WDFY2: variants seen among roughly 807,000 people sequenced by gnomAD.
WDFY2 encodes WD repeat and FYVE domain-containing protein 2.
WDFY2 carries 36 observed loss-of-function variants against 56.4 expected under a neutral mutation model. The ratio of observed to expected loss-of-function variants is 0.64; its 90% CI spans 0.49 to 0.84. WDFY2 has a LOEUF of 0.84. Among genes scored for constraint, WDFY2 ranks in the 40% least tolerant of loss-of-function variants. WDFY2 has a pLI of 0.00. For synonymous variants in WDFY2, 176 were observed against 183.7 expected, an observed-to-expected ratio of 0.96 and a Z score of 0.34; for missense variants, 444 against 512.2, an observed-to-expected ratio of 0.87 and a Z score of 1.29.
chr13:51,643,086 A>G (rs1449204806), intron 1 of WDFY2, among the ~76,000 whole-genome samples: 1 of 152,206 alleles, frequency 6.6e-6, no homozygotes, highest in Non-Finnish European at 1.5e-5. Context: ...TGTAAAATAT[A>G]TATAACATAA....
intron 1 of WDFY2, among the ~76,000 whole-genome samples, chr13:51,658,497 A>G (rs997996127): frequency 3.9e-5 from 6 of 152,162 alleles, no homozygotes; most frequent in African/African-American, 9.7e-5. Flanking sequence ...CGCAATCTCC[A>G]TGGCTGCCTG....
intron 7 of WDFY2, among the ~76,000 whole-genome samples, chr13:51,744,989 T>C (rs986874310): frequency 3.9e-5 from 6 of 152,218 alleles, no homozygotes; most frequent in African/African-American, 1.4e-4. Context: ...CTCTTCTATG[T>C]TGGAATATTA....
intron 1 of WDFY2, among the ~76,000 whole-genome samples, chr13:51,659,565 T>C (rs1230029387): frequency 6.6e-6 from 1 of 152,226 alleles, no homozygotes; most frequent in Non-Finnish European, 1.5e-5. Flanking sequence ...TTATGGCTAG[T>C]ATAATTCATG....
chr13:51,714,188 T>C (rs1952291644), intron 4 of WDFY2, among the ~76,000 whole-genome samples: 1 of 151,758 alleles, frequency 6.6e-6, no homozygotes, highest in Non-Finnish European at 1.5e-5. Context: ...CATAGTTTAA[T>C]GGTCCAATAA....
At chr13:51,690,599 T>C (rs1305190989) in intron 3 of WDFY2, among the ~76,000 whole-genome samples, 1 of 152,160 alleles carries the variant, frequency 6.6e-6, no homozygotes, top group African/African-American at 2.4e-5. Context: ...CTATCATTGT[T>C]GGACATTTGG....
intron 1 of WDFY2, among the ~76,000 whole-genome samples, chr13:51,616,224 A>G (rs1954610683): frequency 2.6e-5 from 4 of 152,162 alleles, no homozygotes; most frequent in Admixed American, 2.6e-4. Flanking sequence ...GCAACAGAAT[A>G]AGACCCTGTC....
At chr13:51,685,399 A>G (rs993134846) in intron 3 of WDFY2, among the ~76,000 whole-genome samples, 7 of 152,204 alleles carry the variant, frequency 4.6e-5, no homozygotes, top group Admixed American at 1.3e-4. Flanking sequence ...ATTTGAGTAT[A>G]ACTTTTGATT....
intron 1 of WDFY2, among the ~76,000 whole-genome samples, chr13:51,597,399 A>G (rs776075435): frequency 1.3e-5 from 2 of 152,242 alleles, no homozygotes; most frequent in Admixed American, 6.5e-5. Context: ...AGCCTGAAGG[A>G]CTGAACTTGA....
rs555771675 is a variant in WDFY2 at position 51,651,406 on chromosome 13, T to C, written c.138-9190T>C. On this transcript the variant is annotated intron_variant, in intron 1 of 11. Coordinates refer to ENST00000298125, the MANE Select transcript of WDFY2 (RefSeq NM_052950.4). ...ATTTTTTGAAGCATTTTTTTGTGTCTCTATCTCCTTCAGTTCTGCTCTGAT... is the reference window on the plus strand; with the variant it reads ...ATTTTTTGAAGCATTTTTTTGTGTCCCTATCTCCTTCAGTTCTGCTCTGAT... Among the ~76,000 whole-genome samples, 4 of 152,358 alleles carry C rather than the reference T, an allele frequency of 2.6e-5. No homozygotes were observed. In the South Asian group the frequency reaches 8.3e-4, roughly 32 times the overall value.
chr13:51,608,110 A>G (rs899061419), intron 1 of WDFY2, among the ~76,000 whole-genome samples: 1 of 152,214 alleles, frequency 6.6e-6, no homozygotes, highest in East Asian at 1.9e-4. Context: ...TAGCCCCTTA[A>G]CACTCACTTT....
At chr13:51,604,659 G>T (rs1004266323) in intron 1 of WDFY2, among the ~76,000 whole-genome samples, 1 of 152,170 alleles carries the variant, frequency 6.6e-6, no homozygotes, top group African/African-American at 2.4e-5. Flanking sequence ...TCCTTCAGTG[G>T]CACTAGCCGC....
chr13:51,604,411 G>C (rs921538285), intron 1 of WDFY2, among the ~76,000 whole-genome samples: 1 of 152,074 alleles, frequency 6.6e-6, no homozygotes, highest in African/African-American at 2.4e-5. Context: ...ACTATGTCTT[G>C]ATTTTTTAGT....
rs1566250991 is a variant in WDFY2, at chr13:51,761,444, G to A, written c.*1675G>A. The stretch of plus-strand genomic sequence containing the variant: ...ACACGCACAGCTCATTCAACCTCAC[G>A]TGTCGGGAGCATCAGGGAGCTCACC... On this transcript the variant is annotated 3_prime_UTR_variant, in exon 12 of 12. Transcript: ENST00000298125. 6.6e-6 allele frequency: 1 copy of A among 152,150 alleles called. No individual in the cohort carries two copies. Among genetic ancestry groups the A allele is most frequent in the East Asian group, 1.9e-4 (1 of 5,188 alleles). 9.4% of individuals were successfully genotyped at this position (152,150 alleles called of 1,614,324 possible). A position where few individuals can be genotyped will look rare whatever the true frequency, so the allele number is the denominator to read the frequency against.
At chr13:51,696,088 C>G (rs1429818987) in intron 3 of WDFY2, among the ~76,000 whole-genome samples, 1 of 152,334 alleles carries the variant, frequency 6.6e-6, no homozygotes, top group Admixed American at 6.5e-5. Context: ...TCACCCCTTT[C>G]TTTGACTGGG....
intron 1 of WDFY2, chr13:51,590,723 AG>A (rs1023583901): frequency 1.4e-4 from 21 of 152,190 alleles, no homozygotes; most frequent in African/African-American, 4.3e-4. Context: ...AGGTCTCCCA[AG>A]GAGAGTGTTA....
At chr13:51,653,711 C>T (rs1955450421) in intron 1 of WDFY2, among the ~76,000 whole-genome samples, 1 of 152,206 alleles carries the variant, frequency 6.6e-6, no homozygotes, top group Non-Finnish European at 1.5e-5. Flanking sequence ...GCAGAGGCTG[C>T]AGAGCAGTGA....
chr13:51,756,674 C>G, intron 10 of WDFY2: 2 of 978,900 alleles, frequency 2.0e-6, no homozygotes, highest in Non-Finnish European at 2.4e-6. Flanking sequence ...AAGAATTCAT[C>G]TCTGTGTTCT....
chr13:51,587,411 C>G (rs1953964929), intron 1 of WDFY2: 1 of 152,132 alleles, frequency 6.6e-6, no homozygotes, highest in Non-Finnish European at 1.5e-5. Flanking sequence ...AGTGACTGAT[C>G]TGTTTTTTTG....
chr13:51,607,923 G>T (rs1954414310), intron 1 of WDFY2, among the ~76,000 whole-genome samples: 1 of 152,174 alleles, frequency 6.6e-6, no homozygotes, highest in Non-Finnish European at 1.5e-5. Context: ...TAACCACAAA[G>T]GTCTTTGTAA....
Sources: gnomAD v4.1 joint callset for allele counts (sites outside exome capture counted in the v4.1 genomes callset) on GRCh38, gnomAD v4.1.1 for gene constraint, MANE v1.5 for transcripts, NCBI Gene and HGNC (gene_info 2026-07-23, HGNC 2026-07-21) for gene names.